Variants in KIDINS220 observed in about 807,000 individuals in gnomAD.
The protein encoded by KIDINS220 is kinase D-interacting substrate of 220 kDa.
A neutral mutation model predicts 157.6 loss-of-function variants in KIDINS220; 63 were observed. The ratio of observed to expected loss-of-function variants is 0.40; its 90% CI spans 0.33 to 0.49. The LOEUF is 0.49. Among genes scored for constraint, KIDINS220 ranks in the 20% least tolerant of loss-of-function variants. The pLI, the probability that KIDINS220 is intolerant of heterozygous loss-of-function variation, is 0.66. For synonymous variants in KIDINS220, 732 were observed against 783.6 expected (o/e 0.93, Z 1.10); for missense variants, 1,772 against 2,171.2 (o/e 0.82, Z 3.65).
At chr2:8,746,840 A>G (rs1666652639) in intron 26 of KIDINS220, 1 of 304,968 alleles carries the variant, frequency 3.3e-6, no homozygotes, top group African/African-American at 2.2e-5. Flanking sequence ...TGAGGAGCAA[A>G]TACTACCAAC....
chr2:8,775,352 T>C (rs79505674), intron 21 of KIDINS220, among the ~76,000 whole-genome samples: 2,557 of 152,108 alleles, frequency 0.017, 37 homozygotes, highest in East Asian at 0.053. Flanking sequence ...CAGGTCTAGA[T>C]AGAAAAGGAG....
At chr2:8,802,898 A>T (rs1465082570) in intron 8 of KIDINS220, 32 bp downstream of exon 8, 1 of 1,585,788 alleles carries the variant, frequency 6.3e-7, no homozygotes, top group South Asian at 1.1e-5. Flanking sequence ...CCACTTCACC[A>T]CTAGGAGACA....
At chr2:8,768,604 G>A (rs1246929414) in intron 22 of KIDINS220, among the ~76,000 whole-genome samples, 6 of 151,948 alleles carry the variant, frequency 3.9e-5, no homozygotes, top group Admixed American at 1.3e-4. Flanking sequence ...TACTACTAGC[G>A]TTAAAAATAC....
chr2:8,751,652 T>C lies in KIDINS220; in HGVS notation c.3012-8A>G, dbSNP rs760235524. 6.4e-7 allele frequency: 1 copy of C among 1,562,154 alleles called. No homozygotes were observed. Among genetic ancestry groups the C allele is most frequent in the South Asian group, 1.2e-5 (1 of 86,414 alleles). On this transcript the variant is annotated splice_polypyrimidine_tract_variant and splice_region_variant and intron_variant, in intron 22 of 29. Coordinates refer to ENST00000256707, the MANE Select transcript of KIDINS220 (RefSeq NM_020738.4). ...GGAATATTCTTTGATATTCTTCAAATAAGAAATCAATGAAAAAGGTTATTA... is the reference window on the plus strand; with the variant it reads ...GGAATATTCTTTGATATTCTTCAAACAAGAAATCAATGAAAAAGGTTATTA...
chr2:8,829,221 T>C (rs1572840238), intron 1 of KIDINS220, among the ~76,000 whole-genome samples: 1 of 152,202 alleles, frequency 6.6e-6, no homozygotes, highest in Non-Finnish European at 1.5e-5. Flanking sequence ...TTAATGGCTG[T>C]TCTATATCTT....
intron 1 of KIDINS220, among the ~76,000 whole-genome samples, chr2:8,834,434 TGGTGTATACCATTTATACGTGTATAAAA>T (rs1201083512): frequency 1.3e-5 from 2 of 151,634 alleles, no homozygotes; most frequent in Non-Finnish European, 1.5e-5. Context: ...CGTGTATAAA[TGGTGTATACCATTTATACGTGTATAAAA>T]CAGCCCTCTC....
intron 21 of KIDINS220, among the ~76,000 whole-genome samples, chr2:8,772,554 A>G (rs975366030): frequency 3.9e-5 from 6 of 152,212 alleles, no homozygotes; most frequent in Non-Finnish European, 8.8e-5. Flanking sequence ...ATGAGTGAAT[A>G]AAAATAAATA....
In KIDINS220 at chr2:8,779,703, G is replaced by A; in HGVS notation, c.2341C>T (p.Gln781Ter). 1.9e-6 allele frequency: 3 copies of A among 1,614,116 alleles called. No homozygotes were observed. The highest frequency in any genetic ancestry group is 2.5e-6 in the Non-Finnish European group (3 of 1,179,992). ...VIIDGLDACE[Q>*]DKVLQMLDTV... is the part of the protein sequence containing the mutation. ...TCCAGCATCTGAAGGACTTTGTCCT[G>A]CTCACAGGCATCTAATCCATCGATG... Residue 781 changes from glutamine to a stop codon, truncating the protein, a stop_gained, in exon 18 of 30, where the codon CAG (glutamine) becomes TAG (stop). Coordinates refer to ENST00000256707, the MANE Select transcript of KIDINS220 (RefSeq NM_020738.4). LOFTEE classifies it high-confidence loss of function.
At chr2:8,798,091 A>G in intron 10 of KIDINS220, 111 bp downstream of exon 10, 3 of 636,452 alleles carry the variant, frequency 4.7e-6, no homozygotes, top group Non-Finnish European at 8.3e-6. Flanking sequence ...AGAGAATATT[A>G]CCAGTAAAAT....
chr2:8,729,831 A>G lies in KIDINS220; in HGVS notation c.*889T>C. On this transcript the variant is annotated 3_prime_UTR_variant, in exon 30 of 30. Coordinates refer to ENST00000256707, the MANE Select transcript of KIDINS220 (RefSeq NM_020738.4). ...TTTCCTCATTCACTCATCTATAAATATTTATTAGTACCTATTATTACCCAT... is the reference window on the plus strand; with the variant it reads ...TTTCCTCATTCACTCATCTATAAATGTTTATTAGTACCTATTATTACCCAT... The G allele has an allele frequency of 3.1e-6, 3 of 982,740 alleles. No homozygotes were observed. The highest frequency in any genetic ancestry group is 3.6e-6 in the Non-Finnish European group (3 of 827,556). The allele number at this position is 982,740 out of a possible 1,614,324, so 60.9% of individuals were successfully genotyped here. A position where few individuals can be genotyped will look rare whatever the true frequency, so the allele number is the denominator to read the frequency against.
chr2:8,750,293 G>C lies in KIDINS220; in HGVS notation c.3233C>G (p.Ala1078Gly), dbSNP rs753644163. Residue 1078 changes from alanine to glycine, a missense_variant, in exon 24 of 30, where the codon GCG becomes GGG. Physicochemically the swap from Ala to Gly is moderately conservative, Grantham distance 60. This residue lies in a region of KIDINS220 where 793 missense variants were observed against 885.5 expected (regional missense o/e 0.90). Transcript: ENST00000256707. The part of the protein sequence containing the change: ...AREQISIGGL[A>G]YPPLPLHEGP... ...CTCATGTAGAGGGAGCGGGGGGTACGCCAGTCCTCCAATACTGATCTGCTC... is the reference window on the plus strand; with the variant it reads ...CTCATGTAGAGGGAGCGGGGGGTACCCCAGTCCTCCAATACTGATCTGCTC... 1 of 1,612,282 alleles carries C rather than the reference G, an allele frequency of 6.2e-7. No homozygotes were observed. The highest frequency in any genetic ancestry group is 2.2e-5 in the East Asian group (1 of 44,870).
At chr2:8,737,265 C>A in intron 26 of KIDINS220, 1 of 272,318 alleles carries the variant, frequency 3.7e-6, no homozygotes, top group Non-Finnish European at 7.0e-6. Context: ...AAGCCTAGGT[C>A]AACTTCTCAA....
rs748597203 is a variant in KIDINS220, at chr2:8,734,692, T to C, written c.3779A>G (p.Asn1260Ser). 6.2e-7 allele frequency: 1 copy of C among 1,613,608 alleles called. No homozygotes were observed. The highest frequency in any genetic ancestry group is 1.1e-5 in the South Asian group (1 of 90,950). Residue 1260 changes from asparagine (N) to serine (S), a missense_variant, in exon 28 of 30, where the codon AAT (asparagine) becomes AGT (serine). Physicochemically the swap from Asn to Ser is conservative, Grantham distance 46. Coordinates refer to ENST00000256707, the MANE Select transcript of KIDINS220 (RefSeq NM_020738.4). ...CNIDELKKEM[N>S]MNFGDWHLFR... ...AAGGTGCCAGTCTCCAAAATTCATATTCATCTCTTTCTTCAGCTCATCAAT... is the reference window on the plus strand; with the variant it reads ...AAGGTGCCAGTCTCCAAAATTCATACTCATCTCTTTCTTCAGCTCATCAAT...
In KIDINS220 at chr2:8,800,187, T is replaced by G. The variant is rs557311963; in HGVS notation, c.900+213A>C. On this transcript the variant is annotated intron_variant, in intron 9 of 29. Transcript: ENST00000256707. ...GACAGTATATTCTAAAAACATGAGC[T>G]TTTTTGGTTTACCTCTATCTACATT... 6 of 442,108 alleles carry G rather than the reference T, an allele frequency of 1.4e-5. No individual in the cohort carries two copies. In the South Asian group the frequency reaches 1.7e-4, roughly 13 times the overall value. 27.4% of individuals were successfully genotyped at this position (442,108 alleles called of 1,614,324 possible). A position where few individuals can be genotyped will look rare whatever the true frequency, so the allele number is the denominator to read the frequency against.
At chr2:8,769,337 C>G (rs1226140526) in intron 22 of KIDINS220, among the ~76,000 whole-genome samples, 1 of 152,218 alleles carries the variant, frequency 6.6e-6, no homozygotes, top group Non-Finnish European at 1.5e-5. Context: ...TAATATACTA[C>G]TCCTAAACCA....
chr2:8,741,291 G>T (rs949464905), intron 26 of KIDINS220, among the ~76,000 whole-genome samples: 1 of 152,274 alleles, frequency 6.6e-6, no homozygotes, highest in South Asian at 2.1e-4. Flanking sequence ...GTACTGGCAG[G>T]GTGTGGTGGC....
rs2148412517 is a variant in KIDINS220 at position 8,821,514 on chromosome 2, C to T, written c.109-2721G>A. ...CAGTGCTGGAGCTTTTGCTACATGA[C>T]TGATGTGACGCAATAGGCACACAGT... On this transcript the variant is annotated intron_variant, in intron 2 of 29. Transcript: ENST00000256707. 1.3e-5 allele frequency among the ~76,000 whole-genome samples: 2 copies of T among 152,308 alleles called. 1 individual carries two copies. Among genetic ancestry groups the T allele is most frequent in the Non-Finnish European group, 2.9e-5 (2 of 68,030 alleles).
At chr2:8,749,118 C>T (rs1212542354) in intron 24 of KIDINS220, among the ~76,000 whole-genome samples, 2 of 152,096 alleles carry the variant, frequency 1.3e-5, no homozygotes, top group Non-Finnish European at 2.9e-5. Flanking sequence ...AATAGAAAAA[C>T]GGAGTAACAT....
intron 11 of KIDINS220, 127 bp downstream of exon 11, chr2:8,796,644 C>A (rs1380518122): frequency 2.6e-6 from 2 of 762,846 alleles, no homozygotes; most frequent in Non-Finnish European, 4.7e-6. Flanking sequence ...AAAGCCCACA[C>A]AGACATCCCC....
Sources: gnomAD v4.1 joint callset for allele counts (sites outside exome capture counted in the v4.1 genomes callset) on GRCh38, gnomAD v4.1.1 for gene constraint, gnomAD v4.1.1 regional missense constraint, MANE v1.5 for transcripts, NCBI Gene and HGNC (gene_info 2026-07-23, HGNC 2026-07-21) for gene names.